The following RANBP2 variants were observed in gnomAD, a reference collection of about 807,000 sequenced individuals.
The protein encoded by RANBP2 is E3 SUMO-protein ligase RanBP2.
In RANBP2, 57 loss-of-function variants were observed where a neutral mutation model predicts 303.6. The observed-to-expected ratio is 0.19, with a 90% CI of 0.15 to 0.23. The LOEUF is 0.23. Ranked by LOEUF, RANBP2 falls within the 10% of genes least tolerant of loss-of-function variation. The probability of loss-of-function intolerance (pLI) is 1.00; values close to 1 mark genes in which losing one functional copy is unlikely to be tolerated. For missense variants in RANBP2, 3,138 were observed against 3,780.8 expected, an observed-to-expected ratio of 0.83 and a Z score of 4.46; for synonymous variants, 1,167 against 1,301.5, an observed-to-expected ratio of 0.90 and a Z score of 2.23.
At chr2:108,782,024 TTG>T in intron 26 of RANBP2, 102 bp from the exon 27 acceptor site, 2 of 1,339,144 alleles carry the variant, frequency 1.5e-6, no homozygotes, top group Non-Finnish European at 2.1e-6. Context: ...CAAATTCTCT[TTG>T]TCATCACAAA....
chr2:109,415,506 C>G, the RANBP2 span, among the ~76,000 whole-genome samples: 3 of 152,164 alleles, frequency 2.0e-5, no homozygotes, highest in Admixed American at 2.0e-4. Flanking sequence ...GCCCCCTGAG[C>G]GTGTCCAGAC....
chr2:109,371,515 C>A, the RANBP2 span: 1 of 1,309,196 alleles, frequency 7.6e-7, no homozygotes, highest in Non-Finnish European at 1.1e-6. Flanking sequence ...CAGTACTAAC[C>A]AGTGTCTTGC....
At chr2:109,053,446 C>T in the RANBP2 span, among the ~76,000 whole-genome samples, 1 of 152,208 alleles carries the variant, frequency 6.6e-6, no homozygotes, top group Non-Finnish European at 1.5e-5. Flanking sequence ...AGAAACAGAA[C>T]ATCCAGCTTA....
At chr2:109,273,823 G>A in the RANBP2 span, among the ~76,000 whole-genome samples, 5 of 152,112 alleles carry the variant, frequency 3.3e-5, no homozygotes, top group African/African-American at 1.2e-4. Context: ...ACCAGGCTCA[G>A]CATACATGCT....
At position 108,768,212 on chromosome 2, in the gene RANBP2, G is replaced by A; in HGVS notation, c.7673G>A (p.Ser2558Asn). The A allele has an allele frequency of 1.2e-6, 2 of 1,611,978 alleles. No individual in the cohort carries two copies. Among genetic ancestry groups the A allele is most frequent in the Non-Finnish European group, 1.7e-6 (2 of 1,179,850 alleles). ...AATGCACCTTTGAAAAGTAACAATA[G>A]TGAAACTAGTTCAGTAGCCCAGAGT... ...SFNAPLKSNN[S>N]ETSSVAQSGS... The change falls in exon 20 of 29, where the codon AGT becomes AAT. Residue 2558 changes from serine (S) to asparagine (N), a missense_variant. Ser to Asn is a conservative substitution (Grantham distance 46, BLOSUM62 1). Transcript: ENST00000283195.
At chr2:108,833,626 A>G in the RANBP2 span, among the ~76,000 whole-genome samples, 1 of 152,212 alleles carries the variant, frequency 6.6e-6, no homozygotes, top group African/African-American at 2.4e-5. Context: ...TTTGCAGGCC[A>G]AAAAGCAAAG....
chr2:109,396,103 G>A, the RANBP2 span, among the ~76,000 whole-genome samples: 2 of 152,204 alleles, frequency 1.3e-5, no homozygotes, highest in African/African-American at 4.8e-5. Context: ...TGCGCTCACT[G>A]TGCCCTGCTG....
At chr2:109,627,369 G>T in the RANBP2 span, among the ~76,000 whole-genome samples, 2 of 152,034 alleles carry the variant, frequency 1.3e-5, no homozygotes, top group African/African-American at 4.8e-5. Context: ...GCTGATTTTT[G>T]TATTTTTAGT....
At chr2:109,689,215 A>G in the RANBP2 span, among the ~76,000 whole-genome samples, 1 of 151,952 alleles carries the variant, frequency 6.6e-6, no homozygotes, top group Non-Finnish European at 1.5e-5. Flanking sequence ...CCTGGATGAC[A>G]TTTTCTAGGA....
At chr2:109,614,878 A>T in the RANBP2 span, 28 of 1,423,024 alleles carry the variant, frequency 2.0e-5, no homozygotes, top group Admixed American at 3.0e-5. Flanking sequence ...CTCCCTGGAC[A>T]GGGCCGCGAG....
the RANBP2 span, chr2:109,546,095 A>G: frequency 6.2e-7 from 1 of 1,605,734 alleles, no homozygotes; most frequent in Non-Finnish European, 8.5e-7. Context: ...TGTTGCCAGA[A>G]AGGACTGGCT....
chr2:109,553,131 G>A, the RANBP2 span: 21 of 1,613,428 alleles, frequency 1.3e-5, no homozygotes, highest in Admixed American at 5.0e-5. Context: ...TCCTTTACTC[G>A]CTGCACAAAC....
At chr2:108,920,263 C>T in the RANBP2 span, among the ~76,000 whole-genome samples, 3 of 152,242 alleles carry the variant, frequency 2.0e-5, no homozygotes, top group Non-Finnish European at 2.9e-5. Flanking sequence ...ATCTTTCCTC[C>T]CAACAATCAT....
the RANBP2 span, among the ~76,000 whole-genome samples, chr2:109,336,074 T>C: frequency 6.6e-6 from 1 of 152,176 alleles, no homozygotes; most frequent in African/African-American, 2.4e-5. Context: ...TCCCTACATT[T>C]TGAAAATTCA....
At chr2:108,775,691 G>C in intron 23 of RANBP2, 41 bp from the exon 24 acceptor site, 2 of 1,593,614 alleles carry the variant, frequency 1.3e-6, no homozygotes, top group South Asian at 1.1e-5. Flanking sequence ...TTGTAAATTA[G>C]CATTTAAGTG....
chr2:108,992,500 G>A, the RANBP2 span, among the ~76,000 whole-genome samples: 1 of 152,174 alleles, frequency 6.6e-6, no homozygotes, highest in Non-Finnish European at 1.5e-5. Flanking sequence ...AGTGGCAGGG[G>A]AATCAAACAC....
chr2:109,668,964 T>A, the RANBP2 span, among the ~76,000 whole-genome samples: 67 of 152,256 alleles, frequency 4.4e-4, no homozygotes, highest in African/African-American at 1.6e-3. Context: ...CTTCAAAATG[T>A]ACTAGGAAGC....
chr2:109,241,639 T>A, the RANBP2 span, among the ~76,000 whole-genome samples: 1 of 152,124 alleles, frequency 6.6e-6, no homozygotes, highest in Non-Finnish European at 1.5e-5. Context: ...TGGGACTCTC[T>A]GTCTCCCCGC....
the RANBP2 span, among the ~76,000 whole-genome samples, chr2:109,138,259 C>A: frequency 6.6e-6 from 1 of 152,152 alleles, no homozygotes; most frequent in African/African-American, 2.4e-5. Context: ...GAACTCCTGA[C>A]CTCGTGATCC....
Sources: allele counts gnomAD v4.1 joint callset (sites outside exome capture counted in the v4.1 genomes callset), GRCh38; gene constraint gnomAD v4.1.1; transcripts MANE v1.5; gene names NCBI Gene and HGNC (gene_info 2026-07-23, HGNC 2026-07-21).